The following LRMDA variants were observed in gnomAD, a reference collection of about 807,000 sequenced individuals.
LRMDA encodes the protein leucine rich melanocyte differentiation associated.
Under a neutral mutation model 29.8 loss-of-function variants are expected in LRMDA, and 18 were observed. The observed-to-expected ratio is 0.60, with a 90% CI of 0.42 to 0.90. The LOEUF (loss-of-function observed/expected upper bound fraction) is 0.90. Among genes scored for constraint, LRMDA ranks in the 40% least tolerant of loss-of-function variants. The pLI is 0.00. For synonymous variants in LRMDA, 125 were observed against 109.4 expected (o/e 1.14, Z -0.89); for missense variants, 273 against 273.9 (o/e 1.00, Z 0.02).
At chr10:76,357,485 G>C (rs1384203900) in intron 6 of LRMDA, among the ~76,000 whole-genome samples, 1 of 152,134 alleles carries the variant, frequency 6.6e-6, no homozygotes, top group Non-Finnish European at 1.5e-5. Context: ...GAAGAGACTA[G>C]TCCCTGGATG....
rs188107695 is a variant in LRMDA, at chr10:76,146,591, G to A, written c.516+87808G>A. On this transcript the variant is annotated intron_variant, in intron 5 of 6. Coordinates refer to ENST00000611255, the MANE Select transcript of LRMDA (RefSeq NM_001305581.2). ...ATTTTGAGCCTATATGTCTCTGCACGTGAGATGGGTTTCCTGAATGCAGCA... is the reference window on the plus strand; with the variant it reads ...ATTTTGAGCCTATATGTCTCTGCACATGAGATGGGTTTCCTGAATGCAGCA... Among the ~76,000 whole-genome samples the A allele has an allele frequency of 6.6e-5, 10 of 152,196 alleles. No individual in the cohort carries two copies. The East Asian group carries it at 1.2e-3, about 18-fold the overall frequency.
At chr10:75,524,690 A>G (rs950311854) in intron 2 of LRMDA, among the ~76,000 whole-genome samples, 2 of 152,214 alleles carry the variant, frequency 1.3e-5, no homozygotes, top group African/African-American at 4.8e-5. Context: ...TGGAAATCTT[A>G]TTCTAAGGGA....
Position 75,990,668 on chromosome 10 carries a change from C to T in LRMDA, c.132-45340C>T, listed in dbSNP as rs922565061. 2.6e-5 allele frequency among the ~76,000 whole-genome samples: 4 copies of T among 152,278 alleles called. No homozygotes were observed. In the East Asian group the frequency reaches 5.8e-4, roughly 22 times the overall value. On this transcript the variant is annotated intron_variant, in intron 2 of 6. Coordinates refer to ENST00000611255, the MANE Select transcript of LRMDA (RefSeq NM_001305581.2). ...ATGAGCCCTTCTGGCATTATATTTA[C>T]ACCCATAAATAAAAAATAAGTACTT... is the stretch of plus-strand genomic sequence containing the variant.
intron 5 of LRMDA, among the ~76,000 whole-genome samples, chr10:76,298,142 A>G (rs1224236815): frequency 6.6e-6 from 1 of 152,222 alleles, no homozygotes; most frequent in Non-Finnish European, 1.5e-5. Flanking sequence ...CACTGATCAT[A>G]TGATCCACTT....
At chr10:76,326,757 G>C (rs981331045) in intron 6 of LRMDA, among the ~76,000 whole-genome samples, 1 of 152,184 alleles carries the variant, frequency 6.6e-6, no homozygotes, top group Non-Finnish European at 1.5e-5. Flanking sequence ...ATAGGTCCAA[G>C]ATTCATGTCC....
chr10:76,129,605 A>T (rs1180735372), intron 5 of LRMDA, among the ~76,000 whole-genome samples: 1 of 151,942 alleles, frequency 6.6e-6, no homozygotes, highest in Non-Finnish European at 1.5e-5. Flanking sequence ...ACCACTGTTC[A>T]CTCCTACCCT....
chr10:76,422,763 G>A (rs983133863), intron 6 of LRMDA, among the ~76,000 whole-genome samples: 1 of 152,208 alleles, frequency 6.6e-6, no homozygotes, highest in African/African-American at 2.4e-5. Context: ...GTTTGCTGTT[G>A]TTTGCTTGGG....
intron 2 of LRMDA, among the ~76,000 whole-genome samples, chr10:76,008,401 T>A (rs1045398068): frequency 4.2e-5 from 6 of 143,446 alleles, no homozygotes; most frequent in African/African-American, 1.6e-4. Flanking sequence ...GTTTAAACAC[T>A]TTTTTTTTTG....
chr10:75,519,413 G>T (rs1440280691), intron 2 of LRMDA, among the ~76,000 whole-genome samples: 1 of 152,164 alleles, frequency 6.6e-6, no homozygotes, highest in Admixed American at 6.5e-5. Context: ...TCTTCTTGTT[G>T]CATTGATCCC....
At chr10:75,802,502 T>C (rs187533294) in intron 2 of LRMDA, among the ~76,000 whole-genome samples, 1 of 152,326 alleles carries the variant, frequency 6.6e-6, no homozygotes, top group Admixed American at 6.5e-5. Context: ...TGTTCATTAA[T>C]GATTAGCTAA....
At chr10:75,497,393 G>A (rs955116765) in intron 2 of LRMDA, among the ~76,000 whole-genome samples, 1 of 151,790 alleles carries the variant, frequency 6.6e-6, no homozygotes, top group East Asian at 1.9e-4. Flanking sequence ...GCATTTCATA[G>A]TAAGTTACAG....
At chr10:75,731,436 T>C (rs1842695670) in intron 2 of LRMDA, among the ~76,000 whole-genome samples, 1 of 152,234 alleles carries the variant, frequency 6.6e-6, no homozygotes, top group African/African-American at 2.4e-5. Context: ...TTTGTCTGTT[T>C]AAGCTCCATG....
intron 6 of LRMDA, among the ~76,000 whole-genome samples, chr10:76,428,247 T>A (rs1343059173): frequency 6.6e-6 from 1 of 152,142 alleles, no homozygotes; most frequent in Non-Finnish European, 1.5e-5. Context: ...AGAGAGAGCA[T>A]ATCTAGGAGG....
intron 2 of LRMDA, among the ~76,000 whole-genome samples, chr10:75,711,700 G>C (rs1211316791): frequency 6.6e-6 from 1 of 152,130 alleles, no homozygotes; most frequent in Non-Finnish European, 1.5e-5. Context: ...AATATTTTAT[G>C]AGTTTGGTGG....
At chr10:75,660,993 C>T (rs1841744840) in intron 2 of LRMDA, among the ~76,000 whole-genome samples, 1 of 152,170 alleles carries the variant, frequency 6.6e-6, no homozygotes, top group Admixed American at 6.5e-5. Context: ...CATACACAAT[C>T]AACGCCAGCG....
In LRMDA at chr10:76,036,067, A is replaced by C. The variant is rs941611169; in HGVS notation, c.191A>C (p.Gln64Pro). Residue 64 changes from glutamine (Q) to proline (P), a missense_variant, in exon 3 of 7, where the codon CAG (glutamine) becomes CCG (proline). Transcript: ENST00000611255. ...GAGGAACTCATCTTGGACAACAATC[A>C]GCTGGGGGACGACCTTGTGTTGCCA... The part of the protein sequence containing the change: ...SLEELILDNN[Q>P]LGDDLVLPGL... The C allele has an allele frequency of 2.5e-6, 4 of 1,614,056 alleles. No homozygotes were observed. The highest frequency in any genetic ancestry group is 3.4e-6 in the Non-Finnish European group (4 of 1,180,052).
chr10:76,475,236 T>A (rs574322630), intron 6 of LRMDA, among the ~76,000 whole-genome samples: 1 of 151,932 alleles, frequency 6.6e-6, no homozygotes, highest in South Asian at 2.1e-4. Flanking sequence ...TTGGGATTGA[T>A]GAAAATGTTT....
intron 2 of LRMDA, chr10:75,782,818 A>G (rs1589198759): frequency 6.9e-7 from 1 of 1,456,510 alleles, no homozygotes; most frequent in East Asian, 2.5e-5. Context: ...GAGAACCTTT[A>G]GCCAGCGCCG....
At chr10:76,521,195 G>A (rs551648042) in intron 6 of LRMDA, among the ~76,000 whole-genome samples, 3 of 149,670 alleles carry the variant, frequency 2.0e-5, no homozygotes, top group South Asian at 2.1e-4. Context: ...GTGCCGTGGC[G>A]CGATCTCGGC....
Sources: allele counts gnomAD v4.1 joint callset (sites outside exome capture counted in the v4.1 genomes callset), GRCh38; gene constraint gnomAD v4.1.1; transcripts MANE v1.5; gene names NCBI Gene and HGNC (gene_info 2026-07-23, HGNC 2026-07-21).